PAK6: variants seen among roughly 807,000 people sequenced by gnomAD.
PAK6 encodes p21 (RAC1) activated kinase 6.
Under a neutral mutation model 60.8 loss-of-function variants are expected in PAK6, and 33 were observed. The ratio of observed to expected loss-of-function variants is 0.54; its 90% CI spans 0.41 to 0.73. The LOEUF (loss-of-function observed/expected upper bound fraction) is 0.73. Among genes scored for constraint, PAK6 ranks in the 30% least tolerant of loss-of-function variants. The probability of loss-of-function intolerance (pLI) is 0.00; values close to 1 mark genes in which losing one functional copy is unlikely to be tolerated. For missense variants in PAK6, 845 were observed against 904.1 expected, an observed-to-expected ratio of 0.93 and a Z score of 0.84; for synonymous variants, 404 against 378.5, an observed-to-expected ratio of 1.07 and a Z score of -0.78.
At chr15:40,251,333 T>G (rs1218459167) in intron 2 of PAK6, 2 of 152,232 alleles carry the variant, frequency 1.3e-5, no homozygotes, top group Non-Finnish European at 2.9e-5. Flanking sequence ...GCATTGGGCT[T>G]GTGGTGCAGC....
At chr15:40,258,814 C>G (rs12102050) in intron 3 of PAK6, 2 of 145,406 alleles carry the variant, frequency 1.4e-5, no homozygotes, top group East Asian at 3.9e-4. Context: ...GGGCATCCCC[C>G]GATGCAGTCA....
chr15:40,272,640 G>A (rs1422537937), exon 6 of PAK6: 2 of 1,609,032 alleles, frequency 1.2e-6, no homozygotes, highest in African/African-American at 1.3e-5. Context: ...GCTTGGCCCG[G>A]GAGAAGCACT....
intron 3 of PAK6, chr15:40,264,003 C>A (rs1174899599): frequency 4.4e-6 from 2 of 453,126 alleles, no homozygotes; most frequent in Non-Finnish European, 8.9e-6. Flanking sequence ...GAGAGCTTTA[C>A]CCCTAAGTTA....
At chr15:40,252,404 G>T in intron 2 of PAK6, 1 of 1,345,898 alleles carries the variant, frequency 7.4e-7, no homozygotes, top group African/African-American at 1.5e-5. Flanking sequence ...GGGAACTGGG[G>T]CCAAGCAGGT....
intron 9 of PAK6, chr15:40,273,905 C>T (rs933825254): frequency 6.0e-6 from 4 of 669,318 alleles, no homozygotes; most frequent in South Asian, 1.9e-5. Context: ...GGGGTATGGC[C>T]GGGCCTCCTA....
At chr15:40,246,953 GC>G (rs981923802) in intron 2 of PAK6, 1 of 152,372 alleles carries the variant, frequency 6.6e-6, no homozygotes. Flanking sequence ...AAGGTGTTCT[GC>G]CCAAAGTGTT....
chr15:40,273,219 G>A, intron 7 of PAK6, 127 bp from the exon 8 acceptor site: 2 of 1,253,958 alleles, frequency 1.6e-6, no homozygotes, highest in Non-Finnish European at 2.2e-6. Context: ...TGGCCTGACT[G>A]TGCTGCCAAA....
At chr15:40,273,907 G>A (rs2039379204) in intron 9 of PAK6, 1 of 666,674 alleles carries the variant, frequency 1.5e-6, no homozygotes, top group East Asian at 2.7e-5. Flanking sequence ...GGTATGGCCG[G>A]GCCTCCTATG....
At chr15:40,246,701 C>T (rs1409487692) in intron 2 of PAK6, 6 of 152,296 alleles carry the variant, frequency 3.9e-5, no homozygotes, top group African/African-American at 1.4e-4. Context: ...AAATACATGT[C>T]CCAGCAGGCC....
At chr15:40,266,453 C>G in exon 5 of PAK6, 1 of 1,612,082 alleles carries the variant, frequency 6.2e-7, no homozygotes, top group Non-Finnish European at 8.5e-7. Context: ...CTGCCACAGC[C>G]CCTCCAAGCA....
intron 3 of PAK6, among the ~76,000 whole-genome samples, chr15:40,257,629 G>A (rs1024358228): frequency 3.9e-5 from 6 of 152,196 alleles, no homozygotes; most frequent in African/African-American, 7.2e-5. Flanking sequence ...GGTCTGTCTC[G>A]CACAGCAATG....
chr15:40,248,720 G>A (rs76241150), intron 2 of PAK6, among the ~76,000 whole-genome samples: 6,312 of 149,704 alleles, frequency 0.042, 252 homozygotes, highest in African/African-American at 0.11. Context: ...AGGAAGGGAC[G>A]GTCCTCCTAC....
At chr15:40,263,069 C>T (rs1033233039) in intron 3 of PAK6, among the ~76,000 whole-genome samples, 2 of 152,198 alleles carry the variant, frequency 1.3e-5, no homozygotes, top group Non-Finnish European at 2.9e-5. Context: ...GATTGAGTCA[C>T]GCATGGTGAA....
chr15:40,257,915 TACTC>T (rs982884801), intron 3 of PAK6, among the ~76,000 whole-genome samples: 5 of 152,120 alleles, frequency 3.3e-5, no homozygotes, highest in African/African-American at 4.8e-5. Flanking sequence ...CCACAAAACT[TACTC>T]ACCCCCTCCT....
chr15:40,241,067 C>T (rs912684484), intron 2 of PAK6, among the ~76,000 whole-genome samples: 1 of 152,168 alleles, frequency 6.6e-6, no homozygotes, highest in African/African-American at 2.4e-5. Flanking sequence ...CCAAGTCACA[C>T]CCTTTGGCTG....
At chr15:40,240,927 C>A (rs1397281402) in intron 2 of PAK6, among the ~76,000 whole-genome samples, 1 of 152,220 alleles carries the variant, frequency 6.6e-6, no homozygotes, top group Non-Finnish European at 1.5e-5. Flanking sequence ...ACTCTTCCTG[C>A]CCCAGCTGGG....
chr15:40,273,029 T>G, intron 7 of PAK6, 30 bp downstream of exon 7: 1 of 1,610,240 alleles, frequency 6.2e-7, no homozygotes. Context: ...GGACCCTGAG[T>G]GCAGGCTGCC....
At chr15:40,264,738 C>G (rs765452714) in intron 3 of PAK6, 43 bp from the exon 4 acceptor site, 7 of 1,573,262 alleles carry the variant, frequency 4.4e-6, no homozygotes, top group Non-Finnish European at 6.1e-6. Flanking sequence ...TGCAGCCACC[C>G]CTCTTTCCCG....
intron 4 of PAK6, 21 bp from the exon 5 acceptor site, chr15:40,265,819 ACT>A (rs1335346527): frequency 2.0e-6 from 3 of 1,501,244 alleles, no homozygotes; most frequent in African/African-American, 2.8e-5. Flanking sequence ...GCTCCCACAC[ACT>A]CTTTTCTCTT....
Sources: allele counts gnomAD v4.1 joint callset (sites outside exome capture counted in the v4.1 genomes callset), GRCh38; gene constraint gnomAD v4.1.1; transcripts MANE v1.5; gene names NCBI Gene and HGNC (gene_info 2026-07-23, HGNC 2026-07-21).